The following PTPRJ variants were observed in gnomAD, a reference collection of about 807,000 sequenced individuals.
PTPRJ encodes the protein protein tyrosine phosphatase receptor type J, also known as receptor-type tyrosine-protein phosphatase eta.
In PTPRJ, 129 loss-of-function variants were observed where a neutral mutation model predicts 141.3. The observed-to-expected ratio is 0.91, with a 90% CI of 0.79 to 1.06. The LOEUF is 1.06. PTPRJ is among the 50% of genes least tolerant of loss of function. The probability of loss-of-function intolerance (pLI) is 0.00; values close to 1 mark genes in which losing one functional copy is unlikely to be tolerated. For missense variants in PTPRJ, 1,601 were observed against 1,679.7 expected, an observed-to-expected ratio of 0.95 and a Z score of 0.82; for synonymous variants, 610 against 640.5, an observed-to-expected ratio of 0.95 and a Z score of 0.72.
chr11:48,060,239 GA>G (rs1158100975), intron 1 of PTPRJ, among the ~76,000 whole-genome samples: 1 of 152,142 alleles, frequency 6.6e-6, no homozygotes, highest in Non-Finnish European at 1.5e-5. Context: ...GTAGATTGAC[GA>G]AATAATATTT....
rs71045551 is a variant in PTPRJ at position 48,168,534 on chromosome 11, GTATATATATATATATA to G, written c.*1205_*1220del. 6.4e-4 allele frequency: 28 copies of G among 44,074 alleles called. 1 individual carries two copies. Among genetic ancestry groups the G allele is most frequent in the African/African-American group, 1.3e-3 (14 of 11,004 alleles). The allele number at this position is 44,074 out of a possible 1,614,324, so 2.7% of individuals were successfully genotyped here. ...CGTGACACATATCGGAATCTACTGT[GTATATATATATATATA>G]TATATATATATATATATATATATAT... On this transcript the variant is annotated 3_prime_UTR_variant, in exon 25 of 25. Transcript: ENST00000418331.
At chr11:47,987,710 A>G (rs2134174878) in intron 1 of PTPRJ, among the ~76,000 whole-genome samples, 1 of 152,162 alleles carries the variant, frequency 6.6e-6, no homozygotes, top group South Asian at 2.1e-4. Flanking sequence ...CAGTTTTTTT[A>G]CCACCTTGTA....
chr11:48,139,833 G>C (rs1250120764), intron 11 of PTPRJ, 57 bp downstream of exon 11: 1 of 1,564,612 alleles, frequency 6.4e-7, no homozygotes, highest in East Asian at 2.3e-5. Flanking sequence ...TGGAGCGGCT[G>C]ACCCACAGTG....
Position 48,150,168 on chromosome 11 carries a change from C to G in PTPRJ, c.3123C>G (p.Phe1041Leu). The G allele has an allele frequency of 6.2e-7, 1 of 1,613,764 alleles. No homozygotes were observed. The highest frequency in any genetic ancestry group is 2.2e-5 in the East Asian group (1 of 44,884). The change falls in exon 18 of 25, where the codon TTC becomes TTG. Residue 1041 changes from phenylalanine (F) to leucine (L), a missense_variant. Phe to Leu is a conservative substitution (Grantham distance 22). Coordinates refer to ENST00000418331, the MANE Select transcript of PTPRJ (RefSeq NM_002843.4). ...AGCAAGCTGACTCCAACTGTGGGTT[C>G]GCAGAGGAATACGAAGTATGTTGCT... ...KKQQADSNCG[F>L]AEEYEDLKLV...
In PTPRJ at chr11:48,143,003, G is replaced by A. The variant is rs760930507; in HGVS notation, c.2528G>A (p.Ser843Asn). The change falls in exon 12 of 25, where the codon AGC (serine) becomes AAC (asparagine). Residue 843 changes from serine to asparagine, a missense_variant. Transcript: ENST00000418331. ...GTCAAGTTCAGTGGATTTGAAGCCA[G>A]CCACGGACCCATCAAAGCCTATGCT... ...VKVKFSGFEA[S>N]HGPIKAYAVI... 2 of 1,614,192 alleles carry A rather than the reference G, an allele frequency of 1.2e-6. No homozygotes were observed. The highest frequency in any genetic ancestry group is 1.7e-5 in the Admixed American group (1 of 60,022).
intron 1 of PTPRJ, among the ~76,000 whole-genome samples, chr11:48,085,330 ATTTATT>A (rs1855672632): frequency 1.3e-5 from 2 of 149,536 alleles, no homozygotes; most frequent in Non-Finnish European, 3.0e-5. Context: ...TGACAGATTT[ATTTATT>A]TTTATTTTTT....
chr11:48,164,369 TTTTCTC>T lies in PTPRJ; in HGVS notation c.3720-9_3720-4del. Reference sequence around the variant, plus strand: ...ACCCACTGTAATAGGCTTATTTCTCTTTTCTCTCAGTGCTGGGGTCGGAAGGACGGG... The same window carrying T: ...ACCCACTGTAATAGGCTTATTTCTCTTCAGTGCTGGGGTCGGAAGGACGGG... On this transcript the variant is annotated splice_polypyrimidine_tract_variant and splice_region_variant and intron_variant, in intron 23 of 24. Transcript: ENST00000418331. 1 of 1,613,102 alleles carries T rather than the reference TTTTCTC, an allele frequency of 6.2e-7. No individual in the cohort carries two copies. Among genetic ancestry groups the T allele is most frequent in the Non-Finnish European group, 8.5e-7 (1 of 1,179,582 alleles).
intron 1 of PTPRJ, among the ~76,000 whole-genome samples, chr11:47,989,934 C>G (rs1403261154): frequency 6.6e-6 from 1 of 152,112 alleles, no homozygotes; most frequent in Non-Finnish European, 1.5e-5. Flanking sequence ...TCCAAAAATG[C>G]TAATAATAGG....
At chr11:48,020,625 TG>T (rs1222437238) in intron 1 of PTPRJ, among the ~76,000 whole-genome samples, 2 of 152,048 alleles carry the variant, frequency 1.3e-5, no homozygotes, top group Non-Finnish European at 1.5e-5. Flanking sequence ...TTACCCTAGG[TG>T]GGTTAGCAGC....
chr11:48,156,126 A>G lies in PTPRJ; in HGVS notation c.3438+7A>G. ...ATGTGTTGAACAGGGAAGAGTAAGT[A>G]TCTTTTTTAGTTTTTAAAATTTAAA... On this transcript the variant is annotated splice_region_variant and intron_variant, in intron 21 of 24. Coordinates refer to ENST00000418331, the MANE Select transcript of PTPRJ (RefSeq NM_002843.4). 2 of 1,564,948 alleles carry G rather than the reference A, an allele frequency of 1.3e-6. No homozygotes were observed. The highest frequency in any genetic ancestry group is 1.7e-6 in the Non-Finnish European group (2 of 1,143,304).
intron 1 of PTPRJ, among the ~76,000 whole-genome samples, chr11:48,012,878 G>T (rs1854842827): frequency 6.6e-6 from 1 of 152,166 alleles, no homozygotes; most frequent in Admixed American, 6.5e-5. Flanking sequence ...GCTGAGGCAG[G>T]TGGATCACCT....
chr11:48,134,230 T>A (rs1012676819), intron 8 of PTPRJ, among the ~76,000 whole-genome samples: 15 of 152,282 alleles, frequency 9.9e-5, no homozygotes, highest in Admixed American at 9.2e-4. Context: ...GTAATTATTA[T>A]ACAAATACTT....
chr11:48,089,085 T>A (rs1855792248), intron 1 of PTPRJ, among the ~76,000 whole-genome samples: 2 of 152,230 alleles, frequency 1.3e-5, no homozygotes, highest in South Asian at 4.1e-4. Context: ...AAGAACCACT[T>A]TGAACATTTT....
intron 18 of PTPRJ, among the ~76,000 whole-genome samples, chr11:48,153,316 C>T (rs547959638): frequency 1.7e-4 from 26 of 151,920 alleles, no homozygotes; most frequent in African/African-American, 5.1e-4. Context: ...GGGTGGATCA[C>T]GAGGTCAGGA....
chr11:48,144,634 C>A, intron 12 of PTPRJ, 41 bp from the exon 13 acceptor site: 1 of 1,498,908 alleles, frequency 6.7e-7, no homozygotes, highest in South Asian at 1.1e-5. Flanking sequence ...ATCTCTCTGC[C>A]ATCACTTTCT....
At chr11:48,041,713 C>T (rs1477496032) in intron 1 of PTPRJ, among the ~76,000 whole-genome samples, 1 of 152,110 alleles carries the variant, frequency 6.6e-6, no homozygotes, top group Non-Finnish European at 1.5e-5. Context: ...CAGCCTCAAC[C>T]TCCTGGGTTC....
intron 1 of PTPRJ, chr11:48,046,388 G>T (rs1327719362): frequency 6.6e-6 from 1 of 152,120 alleles, no homozygotes; most frequent in Non-Finnish European, 1.5e-5. Context: ...GTGGTACAAT[G>T]GGCTAATATC....
intron 15 of PTPRJ, among the ~76,000 whole-genome samples, chr11:48,148,300 C>T (rs1471588566): frequency 1.3e-5 from 2 of 152,176 alleles, no homozygotes; most frequent in Non-Finnish European, 2.9e-5. Context: ...AATCGCAGAA[C>T]CCACACAAAA....
intron 1 of PTPRJ, among the ~76,000 whole-genome samples, chr11:48,079,805 C>A (rs1855513111): frequency 6.6e-6 from 1 of 152,104 alleles, no homozygotes; most frequent in African/African-American, 2.4e-5. Context: ...AAGAGAGGGC[C>A]AGGAGGTCAA....
Sources: gnomAD v4.1 joint callset for allele counts (sites outside exome capture counted in the v4.1 genomes callset) on GRCh38, gnomAD v4.1.1 for gene constraint, MANE v1.5 for transcripts, NCBI Gene and HGNC (gene_info 2026-07-23, HGNC 2026-07-21) for gene names.